The following ALS2 variants were observed in gnomAD, a reference collection of about 807,000 sequenced individuals.
The protein encoded by ALS2 is alsin Rho guanine nucleotide exchange factor ALS2, also known as alsin.
In ALS2, 117 loss-of-function variants were observed where a neutral mutation model predicts 203.4. The observed-to-expected ratio is 0.58, with a 90% CI of 0.50 to 0.67. The LOEUF is 0.67. ALS2 is among the 30% of genes least tolerant of loss of function. The pLI, the probability that ALS2 is intolerant of heterozygous loss-of-function variation, is 0.00. For synonymous variants in ALS2, 718 were observed against 725.9 expected (o/e 0.99, Z 0.17); for missense variants, 1,715 against 1,989.4 (o/e 0.86, Z 2.62).
At chr2:201,739,368 T>C (rs972781992) in intron 11 of ALS2, among the ~76,000 whole-genome samples, 1 of 151,834 alleles carries the variant, frequency 6.6e-6, no homozygotes, top group African/African-American at 2.4e-5. Context: ...TTAATTAACA[T>C]ACTTGAGAAA....
rs944434593 is a variant in ALS2, at chr2:201,778,914, T to G, written c.-61+1963A>C. ...CACCACTCTGCCTTTCTTCCTAGTT[T>G]TTCAACTCATACTTTACCTAGTCTC... On this transcript the variant is annotated intron_variant, in intron 1 of 33. Coordinates refer to ENST00000264276, the MANE Select transcript of ALS2 (RefSeq NM_020919.4). Among the ~76,000 whole-genome samples, 3 of 152,278 alleles carry G rather than the reference T, an allele frequency of 2.0e-5. No individual in the cohort carries two copies. In the South Asian group the frequency reaches 6.2e-4, roughly 32 times the overall value.
intron 12 of ALS2, 59 bp downstream of exon 12, chr2:201,738,611 A>G: frequency 6.7e-7 from 1 of 1,494,418 alleles, no homozygotes; most frequent in Non-Finnish European, 9.3e-7. Context: ...AAAACAGAGC[A>G]CTATAAAATG....
At chr2:201,777,239 T>C (rs984333720) in intron 1 of ALS2, among the ~76,000 whole-genome samples, 1 of 146,138 alleles carries the variant, frequency 6.8e-6, no homozygotes, top group Non-Finnish European at 1.5e-5. Flanking sequence ...AGAATGTTAA[T>C]TCCCCTGCAG....
At chr2:201,769,587 A>G (rs968647694) in intron 1 of ALS2, among the ~76,000 whole-genome samples, 10 of 152,236 alleles carry the variant, frequency 6.6e-5, no homozygotes, top group Non-Finnish European at 1.0e-4. Context: ...AATAGAAAAT[A>G]GCTGTATGAA....
In ALS2 at chr2:201,761,235, G is replaced by A; in HGVS notation, c.759C>T (p.Asp253=). ...TDKEDHVIIS[D]SHCCPLGVTL... is the part of the protein sequence containing the mutation. ...TCACACCTAATGGGCAACAATGACTGTCTGATATAATCACATGGTCTTCTT... is the reference window on the plus strand; with the variant it reads ...TCACACCTAATGGGCAACAATGACTATCTGATATAATCACATGGTCTTCTT... The change falls in exon 4 of 34, where the codon GAC becomes GAT. Residue 253 remains aspartate (D), a synonymous_variant. Coordinates refer to ENST00000264276, the MANE Select transcript of ALS2 (RefSeq NM_020919.4). 6.2e-7 allele frequency: 1 copy of A among 1,614,200 alleles called. No homozygotes were observed. The highest frequency in any genetic ancestry group is 8.5e-7 in the Non-Finnish European group (1 of 1,180,048).
At chr2:201,715,524 TAAAG>T in intron 25 of ALS2, 144 bp downstream of exon 25, 2 of 888,678 alleles carry the variant, frequency 2.3e-6, no homozygotes, top group Non-Finnish European at 3.5e-6. Flanking sequence ...CAACAGAAGA[TAAAG>T]AAAGTGTGTT....
chr2:201,778,923 ATACT>A (rs2106121589), intron 1 of ALS2, among the ~76,000 whole-genome samples: 1 of 152,272 alleles, frequency 6.6e-6, no homozygotes. Flanking sequence ...TTTTCAACTC[ATACT>A]TTACCTAGTC....
At chr2:201,706,536 TA>T (rs1385285600) in intron 29 of ALS2, among the ~76,000 whole-genome samples, 1 of 2,176 alleles carries the variant, frequency 4.6e-4, no homozygotes, top group South Asian at 0.038. Context: ...GCTCACACTT[TA>T]TATATATATA....
Position 201,738,765 on chromosome 2 carries a change from T to A in ALS2, c.2352-30A>T, listed in dbSNP as rs936102482. 3 of 1,566,876 alleles carry A rather than the reference T, an allele frequency of 1.9e-6. No individual in the cohort carries two copies. The African/African-American group carries it at 4.1e-5, about 21-fold the overall frequency. On this transcript the variant is annotated intron_variant, in intron 11 of 33. Coordinates refer to ENST00000264276, the MANE Select transcript of ALS2 (RefSeq NM_020919.4). ...AGCAGAAAAGAAAACACATGTACATTAGTTGAAATGTAAATTAGTTCTTCA... is the reference window on the plus strand; with the variant it reads ...AGCAGAAAAGAAAACACATGTACATAAGTTGAAATGTAAATTAGTTCTTCA...
chr2:201,768,999 C>CA, intron 1 of ALS2, 54 bp from the exon 2 acceptor site: 1 of 763,198 alleles, frequency 1.3e-6, no homozygotes, highest in Non-Finnish European at 2.0e-6. Context: ...ACCCCTCAGA[C>CA]ATTAAAAAAA....
intron 4 of ALS2, chr2:201,759,344 C>T (rs139168187): frequency 1.6e-4 from 145 of 924,826 alleles, no homozygotes; most frequent in African/African-American, 6.8e-4. Flanking sequence ...AGTTATATCT[C>T]GCCAGAAGAG....
intron 7 of ALS2, among the ~76,000 whole-genome samples, chr2:201,752,556 A>G (rs1693129344): frequency 6.6e-6 from 1 of 152,156 alleles, no homozygotes; most frequent in African/African-American, 2.4e-5. Flanking sequence ...ATCAAATATT[A>G]AAAGGGCTTC....
intron 5 of ALS2, among the ~76,000 whole-genome samples, chr2:201,756,551 C>T (rs1009788325): frequency 7.2e-5 from 11 of 152,086 alleles, no homozygotes; most frequent in Non-Finnish European, 1.5e-4. Flanking sequence ...ACAGGGCCTA[C>T]CATATGTTTT....
chr2:201,771,714 G>A (rs1254770712), intron 1 of ALS2, among the ~76,000 whole-genome samples: 1 of 152,160 alleles, frequency 6.6e-6, no homozygotes, highest in African/African-American at 2.4e-5. Context: ...ATTTCTGTAT[G>A]TTATTTCATT....
chr2:201,707,184 A>G (rs901098441), intron 28 of ALS2, among the ~76,000 whole-genome samples, 162 bp from the exon 29 acceptor site: 1 of 152,234 alleles, frequency 6.6e-6, no homozygotes, highest in Non-Finnish European at 1.5e-5. Context: ...TGATATGAGG[A>G]CATTATCTAT....
chr2:201,746,405 G>C (rs1207776384), intron 9 of ALS2, among the ~76,000 whole-genome samples, 161 bp downstream of exon 9: 1 of 152,196 alleles, frequency 6.6e-6, no homozygotes, highest in African/African-American at 2.4e-5. Context: ...CCTTTGGAGA[G>C]AGAAGATAAG....
chr2:201,758,848 G>A (rs1007246609), intron 4 of ALS2, among the ~76,000 whole-genome samples: 1 of 151,964 alleles, frequency 6.6e-6, no homozygotes, highest in African/African-American at 2.4e-5. Context: ...GGTACCTAGC[G>A]AAGTGCCTGA....
rs779339166 is a variant in ALS2, at chr2:201,724,418, T to C, written c.3389A>G (p.Asn1130Ser). The change falls in exon 21 of 34, where the codon AAT (asparagine) becomes AGT (serine). Residue 1130 changes from asparagine to serine, a missense_variant. Physicochemically the swap from Asn to Ser is conservative, Grantham distance 46. This residue lies in a region of ALS2 where 1,227 missense variants were observed against 1,413.5 expected (regional missense o/e 0.87). Coordinates refer to ENST00000264276, the MANE Select transcript of ALS2 (RefSeq NM_020919.4). ...GEVFEGCFQD[N>S]MRHGHGLLRS... ...TAGAAGACCATGACCATGACGCATA[T>C]TATCTTGAAAACAGCCCTCAAATAC... The C allele has an allele frequency of 6.2e-7, 1 of 1,614,056 alleles. No homozygotes were observed. Among genetic ancestry groups the C allele is most frequent in the Non-Finnish European group, 8.5e-7 (1 of 1,179,948 alleles).
intron 29 of ALS2, among the ~76,000 whole-genome samples, chr2:201,706,050 T>C (rs1317290729): frequency 6.6e-6 from 1 of 151,922 alleles, no homozygotes. Context: ...GAAAACATAA[T>C]AATTTAGTAT....
Sources: gnomAD v4.1 joint callset for allele counts (sites outside exome capture counted in the v4.1 genomes callset) on GRCh38, gnomAD v4.1.1 for gene constraint, gnomAD v4.1.1 regional missense constraint, MANE v1.5 for transcripts, NCBI Gene and HGNC (gene_info 2026-07-23, HGNC 2026-07-21) for gene names.